Variants in BSN observed in about 807,000 individuals in gnomAD.
BSN encodes protein bassoon.
Under a neutral mutation model 264.8 loss-of-function variants are expected in BSN, and 57 were observed. The observed-to-expected ratio is 0.22, with a 90% CI of 0.17 to 0.27. The LOEUF (loss-of-function observed/expected upper bound fraction) is 0.27. Among genes scored for constraint, BSN ranks in the 10% least tolerant of loss-of-function variants. The probability of loss-of-function intolerance (pLI) is 1.00; values close to 1 mark genes in which losing one functional copy is unlikely to be tolerated. For synonymous variants in BSN, 2,059 were observed against 2,137.3 expected (o/e 0.96, Z 1.01); for missense variants, 4,615 against 5,232.5 (o/e 0.88, Z 3.64).
rs977144970 is a variant in BSN at position 49,585,782 on chromosome 3, G to A, written c.224+30956G>A. ...AGCATTTGTTATTGCCTGTCTTTTGGATAAAAGCCATTTTAACTGGGGTGA... is the reference window on the plus strand; with the variant it reads ...AGCATTTGTTATTGCCTGTCTTTTGAATAAAAGCCATTTTAACTGGGGTGA... On this transcript the variant is annotated intron_variant, in intron 1 of 11. Transcript: ENST00000296452. The surrounding 1 kb of genome is among the most constrained non-coding windows in gnomAD (Gnocchi z 4.7). Among the ~76,000 whole-genome samples, 1 of 152,038 alleles carries A rather than the reference G, an allele frequency of 6.6e-6. No individual in the cohort carries two copies. Among genetic ancestry groups the A allele is most frequent in the Non-Finnish European group, 1.5e-5 (1 of 68,006 alleles).
chr3:49,628,427 CT>C (rs1359411204), intron 2 of BSN, among the ~76,000 whole-genome samples: 1 of 152,194 alleles, frequency 6.6e-6, no homozygotes, highest in East Asian at 1.9e-4. Context: ...CAGATGAGAT[CT>C]GGAGATGGGA....
intron 1 of BSN, among the ~76,000 whole-genome samples, chr3:49,583,640 C>G (rs190024546): frequency 6.6e-6 from 1 of 152,148 alleles, no homozygotes; most frequent in African/African-American, 2.4e-5. Context: ...AAAATAAATT[C>G]TTTTTCAATG....
At chr3:49,584,296 A>G (rs894612415) in intron 1 of BSN, among the ~76,000 whole-genome samples, 2 of 124,502 alleles carry the variant, frequency 1.6e-5, no homozygotes, top group Non-Finnish European at 3.5e-5. Flanking sequence ...TTTTTTTTTT[A>G]TCTTTTGAAA....
At chr3:49,619,239 T>C (rs2052284269) in intron 1 of BSN, among the ~76,000 whole-genome samples, 1 of 152,226 alleles carries the variant, frequency 6.6e-6, no homozygotes, top group Non-Finnish European at 1.5e-5. Flanking sequence ...GTTCACACAT[T>C]GTTCTGGTTG....
rs776296376 is a variant in BSN, at chr3:49,651,834, C to T, written c.2278C>T (p.Arg760Trp). The T allele has an allele frequency of 1.5e-5, 25 of 1,613,720 alleles. No homozygotes were observed. The highest frequency in any genetic ancestry group is 5.3e-5 in the African/African-American group (4 of 74,942). The change falls in exon 5 of 12, where the codon CGG becomes TGG. Residue 760 changes from arginine (R) to tryptophan (W), a missense_variant. Physicochemically the swap from Arg to Trp is moderately radical, Grantham distance 101. Around this residue, in one of 3 missense-constraint regions of BSN, gnomAD observed 1,197 missense variants for 1,348.0 expected, o/e 0.89. Transcript: ENST00000296452. This position sits in a 1 kb window ranked among gnomAD's most constrained non-coding sequence, Gnocchi z 5.4. ...SSGTGEEQKQRPHSLSITPEA... is the reference protein window; with the variant it reads ...SSGTGEEQKQWPHSLSITPEA... ...CGGTACTGGCGAGGAGCAGAAGCAG[C>T]GGCCCCACTCCTTGTCCATCACGCC... is the stretch of plus-strand genomic sequence containing the variant.
rs748763336 is a variant in BSN at position 49,662,923 on chromosome 3, G to A, written c.10765G>A (p.Asp3589Asn). The change falls in exon 7 of 12, where the codon GAT becomes AAT. Residue 3589 changes from aspartate to asparagine, a missense_variant. Transcript: ENST00000296452. ...GACGGACTGGTTTGATAAGCCCCGG[G>A]ATGCCCGCTCTGACCGGTTCAGGCA... is the stretch of plus-strand genomic sequence containing the variant. ...EETDWFDKPRDARSDRFRHHG... is the reference protein window; with the variant it reads ...EETDWFDKPRNARSDRFRHHG... The A allele has an allele frequency of 6.2e-7, 1 of 1,610,564 alleles. No homozygotes were observed. The highest frequency in any genetic ancestry group is 1.1e-5 in the South Asian group (1 of 90,720).
Position 49,661,625 on chromosome 3 carries a change from C to T in BSN, c.9780C>T (p.Gly3260=). The change falls in exon 6 of 12, where the codon GGC becomes GGT. Residue 3260 remains glycine (G), a synonymous_variant. Coordinates refer to ENST00000296452, the MANE Select transcript of BSN (RefSeq NM_003458.4). ...DSQRLEPLGP[G]SSGRPGKEPG... is the part of the protein sequence containing the mutation. ...AACGGCTGGAGCCCCTGGGGCCAGG[C>T]AGCAGTGGGCGTCCAGGGAAGGAGC... 6.2e-7 allele frequency: 1 copy of T among 1,613,552 alleles called. No individual in the cohort carries two copies.
rs1054978185 is a variant in BSN at position 49,652,652 on chromosome 3, C to G, written c.3096C>G (p.Pro1032=). 1 of 1,607,048 alleles carries G rather than the reference C, an allele frequency of 6.2e-7. No individual in the cohort carries two copies. Among genetic ancestry groups the G allele is most frequent in the African/African-American group, 1.3e-5 (1 of 74,640 alleles). The change falls in exon 5 of 12, where the codon CCC becomes CCG. Residue 1032 remains proline (P), a synonymous_variant. Coordinates refer to ENST00000296452, the MANE Select transcript of BSN (RefSeq NM_003458.4). Reference sequence around the variant, plus strand: ...AGGCCCGGCACCGCTCCCACGGGCCCCTGCTACCCACCATCGAGGACTCCT... The same window carrying G: ...AGGCCCGGCACCGCTCCCACGGGCCGCTGCTACCCACCATCGAGGACTCCT... ...QRKARHRSHG[P]LLPTIEDSSE...
At position 49,661,331 on chromosome 3, in the gene BSN, G is replaced by C; in HGVS notation, c.9486G>C (p.Glu3162Asp). 1 of 1,613,960 alleles carries C rather than the reference G, an allele frequency of 6.2e-7. No homozygotes were observed. Among genetic ancestry groups the C allele is most frequent in the Non-Finnish European group, 8.5e-7 (1 of 1,180,038 alleles). ...AGCAGAAGGTGCCCACCAACTATGAGGTGATCGCCAGCCCCGTTGTGCCCA... is the reference window on the plus strand; with the variant it reads ...AGCAGAAGGTGCCCACCAACTATGACGTGATCGCCAGCCCCGTTGTGCCCA... ...DLEQKVPTNY[E>D]VIASPVVPMS... The change falls in exon 6 of 12, where the codon GAG (glutamate) becomes GAC (aspartate). Residue 3162 changes from glutamate (E) to aspartate (D), a missense_variant. Physicochemically the swap from Glu to Asp is conservative, Grantham distance 45. Transcript: ENST00000296452.
intron 2 of BSN, among the ~76,000 whole-genome samples, chr3:49,639,580 A>G (rs1313918770): frequency 6.6e-6 from 1 of 152,114 alleles, no homozygotes; most frequent in Admixed American, 6.5e-5. Context: ...CCTCGGCATC[A>G]CTGTTCTTAG....
chr3:49,612,079 A>G (rs1487483872), intron 1 of BSN, among the ~76,000 whole-genome samples: 1 of 152,168 alleles, frequency 6.6e-6, no homozygotes, highest in East Asian at 1.9e-4. Context: ...AGAAAAGAAA[A>G]CTTTACCTTC....
chr3:49,577,287 G>T (rs1265761585), intron 1 of BSN, among the ~76,000 whole-genome samples: 2 of 152,172 alleles, frequency 1.3e-5, no homozygotes, highest in Non-Finnish European at 2.9e-5. Context: ...ACAAGAGTTT[G>T]TTCCTGGGTT....
At chr3:49,622,336 T>G (rs2052313068) in intron 1 of BSN, among the ~76,000 whole-genome samples, 1 of 152,130 alleles carries the variant, frequency 6.6e-6, no homozygotes, top group Non-Finnish European at 1.5e-5. Flanking sequence ...GATCTCCAGG[T>G]GTCATGATGG....
At chr3:49,565,285 A>G (rs1417503310) in intron 1 of BSN, among the ~76,000 whole-genome samples, 1 of 142,304 alleles carries the variant, frequency 7.0e-6, no homozygotes, top group East Asian at 2.0e-4. Flanking sequence ...AGCTGGGACT[A>G]CAGGCACCCA....
chr3:49,628,168 C>T (rs1326714400), intron 2 of BSN, among the ~76,000 whole-genome samples: 1 of 152,190 alleles, frequency 6.6e-6, no homozygotes, highest in Non-Finnish European at 1.5e-5. Flanking sequence ...AATGTGACCG[C>T]AGAAAATGGA....
chr3:49,659,675 A>C (rs893469559), intron 5 of BSN, among the ~76,000 whole-genome samples: 8 of 152,158 alleles, frequency 5.3e-5, no homozygotes, highest in Admixed American at 4.6e-4. Flanking sequence ...GGCAATGCAG[A>C]GTGTCTAGGG....
At chr3:49,555,206 G>A (rs2051655792) in intron 1 of BSN, among the ~76,000 whole-genome samples, 1 of 152,222 alleles carries the variant, frequency 6.6e-6, no homozygotes, top group Non-Finnish European at 1.5e-5. Context: ...GTCTGCATGT[G>A]TCCATTGTGC....
chr3:49,612,888 T>C (rs1157387597), intron 1 of BSN, among the ~76,000 whole-genome samples: 2 of 152,158 alleles, frequency 1.3e-5, no homozygotes, highest in Admixed American at 6.5e-5. Context: ...ATCCCAGCAC[T>C]TTGGGAGGCC....
At position 49,642,200 on chromosome 3, in the gene BSN, G is replaced by A; in HGVS notation, c.634-68G>A. On this transcript the variant is annotated intron_variant, in intron 2 of 11. Coordinates refer to ENST00000296452, the MANE Select transcript of BSN (RefSeq NM_003458.4). This position sits in a 1 kb window ranked among gnomAD's most constrained non-coding sequence, Gnocchi z 7.0. ...AGTGGCCTTGGCTGCTGTGGGGCCT[G>A]CACTGACCTGGGCCATGAGTACTGC... 7 of 1,322,380 alleles carry A rather than the reference G, an allele frequency of 5.3e-6. No individual in the cohort carries two copies. The highest frequency in any genetic ancestry group is 2.6e-5 in the East Asian group (1 of 37,934). 81.9% of individuals were successfully genotyped at this position (1,322,380 alleles called of 1,614,324 possible).
Sources: allele counts gnomAD v4.1 joint callset (sites outside exome capture counted in the v4.1 genomes callset), GRCh38; gene constraint gnomAD v4.1.1; regional missense constraint gnomAD v4.1.1; non-coding constraint Gnocchi (gnomAD v3.1); transcripts MANE v1.5; gene names NCBI Gene and HGNC (gene_info 2026-07-23, HGNC 2026-07-21).